The following APBA2 variants were observed in gnomAD, a reference collection of about 807,000 sequenced individuals.
The protein encoded by APBA2 is amyloid beta precursor protein binding family A member 2.
Under a neutral mutation model 75.0 loss-of-function variants are expected in APBA2, and 30 were observed. The observed-to-expected ratio is 0.40, with a 90% confidence interval of 0.30 to 0.54. The LOEUF (loss-of-function observed/expected upper bound fraction) is 0.54. Ranked by LOEUF, APBA2 falls within the 20% of genes least tolerant of loss-of-function variation. The pLI is 0.49. For synonymous variants in APBA2, 444 were observed against 409.6 expected (o/e 1.08, Z -1.01); for missense variants, 801 against 1,016.1 (o/e 0.79, Z 2.88).
Position 29,105,384 on chromosome 15 carries a change from G to C in APBA2, c.1530G>C (p.Gln510His). The C allele has an allele frequency of 6.2e-7, 1 of 1,611,058 alleles. No homozygotes were observed. Among genetic ancestry groups the C allele is most frequent in the Non-Finnish European group, 8.5e-7 (1 of 1,179,872 alleles). Residue 510 changes from glutamine (Q) to histidine (H), a missense_variant, in exon 11 of 15, where the codon CAG (glutamine) becomes CAC (histidine). Gln to His is a conservative substitution (Grantham distance 24). This residue lies in a region of APBA2 where 367 missense variants were observed against 544.5 expected (regional missense o/e 0.67). Transcript: ENST00000683413. ...ICHVFESEDA[Q>H]LIAQSIGQAF... ...CTGGCCTGCCCTCTGCACAGGCCCA[G>C]CTCATCGCCCAGTCTATCGGCCAGG... is the stretch of plus-strand genomic sequence containing the variant.
At chr15:29,052,603 G>A (rs1321117073) in intron 3 of APBA2, among the ~76,000 whole-genome samples, 2 of 151,992 alleles carry the variant, frequency 1.3e-5, no homozygotes, top group Non-Finnish European at 2.9e-5. Context: ...CTGTCCCCAC[G>A]CCAGGCCCAG....
chr15:29,105,259 G>A (rs2044335534), intron 10 of APBA2, 120 bp from the exon 11 acceptor site: 3 of 986,572 alleles, frequency 3.0e-6, no homozygotes, highest in African/African-American at 1.6e-5. Context: ...GCCCGAGCAA[G>A]GGCTCCCTTG....
Position 28,933,687 on chromosome 15 carries a change from A to G in APBA2, c.-95+11938A>G, listed in dbSNP as rs565322244. On this transcript the variant is annotated intron_variant, in intron 2 of 14. Transcript: ENST00000683413. ...CCTCGACCTGAGGTTTTATTGGTCC[A>G]AAGTCAGGGCCTGCTGGAGCCCGAC... Among the ~76,000 whole-genome samples, 99 of 152,360 alleles carry G rather than the reference A, an allele frequency of 6.5e-4. 1 individual carries two copies. Among genetic ancestry groups the G allele is most frequent in the African/African-American group, 2.3e-3 (96 of 41,594 alleles).
chr15:29,079,622 C>T (rs796161424), intron 6 of APBA2, among the ~76,000 whole-genome samples: 19 of 152,182 alleles, frequency 1.2e-4, no homozygotes, highest in South Asian at 8.3e-4. Context: ...CATCCCACTG[C>T]GGGCCCTTCC....
chr15:28,905,114 G>C (rs2033073205), intron 1 of APBA2, among the ~76,000 whole-genome samples: 1 of 152,172 alleles, frequency 6.6e-6, no homozygotes, highest in East Asian at 1.9e-4. Flanking sequence ...CTGATGGCTG[G>C]CAGGCTGCCT....
chr15:28,972,601 G>A (rs528282158), intron 2 of APBA2, among the ~76,000 whole-genome samples: 2 of 152,326 alleles, frequency 1.3e-5, no homozygotes, highest in African/African-American at 4.8e-5. Context: ...GAAAGAAAAC[G>A]TGAGTGAAGG....
chr15:29,000,697 C>A (rs1466068330), intron 3 of APBA2, among the ~76,000 whole-genome samples: 5 of 152,068 alleles, frequency 3.3e-5, no homozygotes, highest in Admixed American at 6.6e-5. Context: ...CTCAATCAAC[C>A]CTCCCTCCTT....
intron 1 of APBA2, among the ~76,000 whole-genome samples, chr15:28,916,669 G>A (rs1470617778): frequency 2.0e-5 from 3 of 152,206 alleles, no homozygotes; most frequent in South Asian, 2.1e-4. Context: ...ATCTACACAC[G>A]TGTGCTCGCT....
chr15:29,115,738 G>A (rs370623503), intron 14 of APBA2, among the ~76,000 whole-genome samples: 1 of 152,224 alleles, frequency 6.6e-6, no homozygotes, highest in Non-Finnish European at 1.5e-5. Flanking sequence ...GGGAATGGCT[G>A]ATGGAGGAAG....
intron 3 of APBA2, among the ~76,000 whole-genome samples, chr15:29,027,983 C>G (rs148193455): frequency 6.7e-6 from 1 of 148,326 alleles, no homozygotes; most frequent in Non-Finnish European, 1.5e-5. Context: ...ACACTCTTTT[C>G]GTTTTTTTTT....
chr15:29,092,933 G>T, intron 6 of APBA2, 142 bp from the exon 7 acceptor site: 1 of 1,103,170 alleles, frequency 9.1e-7, no homozygotes, highest in Non-Finnish European at 1.4e-6. Context: ...GCCCGTGGCT[G>T]GCTGCAGATG....
intron 3 of APBA2, among the ~76,000 whole-genome samples, chr15:29,045,069 T>TCTCTCTC (rs2041238928): frequency 1.2e-5 from 1 of 82,866 alleles, no homozygotes. Context: ...CCCTCCCTCC[T>TCTCTCTC]TCTCTCTCTC....
At chr15:29,089,642 A>ACTCCC (rs1290413184) in intron 6 of APBA2, among the ~76,000 whole-genome samples, 1 of 151,134 alleles carries the variant, frequency 6.6e-6, no homozygotes. Context: ...AAGCTGTGGG[A>ACTCCC]CTCCCCTCCC....
chr15:28,976,347 T>C (rs7164360), intron 2 of APBA2, among the ~76,000 whole-genome samples: 41,500 of 152,154 alleles, frequency 0.27, 10,225 homozygotes, highest in African/African-American at 0.63. Context: ...CTTACTTCTG[T>C]GGTTGGGAGT....
At chr15:29,005,409 C>T (rs1363951901) in intron 3 of APBA2, among the ~76,000 whole-genome samples, 1 of 152,100 alleles carries the variant, frequency 6.6e-6, no homozygotes, top group African/African-American at 2.4e-5. Context: ...CTCAGGCACA[C>T]ACCACCACAC....
chr15:28,951,847 C>T (rs147384195), intron 2 of APBA2, among the ~76,000 whole-genome samples: 2,140 of 137,714 alleles, frequency 0.016, 80 homozygotes, highest in African/African-American at 0.056. Flanking sequence ...TCCCAAAGTG[C>T]TGGGATTACA....
At chr15:29,039,101 GTGT>G (rs1566934679) in intron 3 of APBA2, among the ~76,000 whole-genome samples, 5 of 28,680 alleles carry the variant, frequency 1.7e-4, no homozygotes, top group South Asian at 2.0e-3. Context: ...ATGTCAGGGT[GTGT>G]GTGTGTGTGT....
chr15:28,986,505 T>TA (rs1262973590), intron 2 of APBA2, among the ~76,000 whole-genome samples: 2 of 152,180 alleles, frequency 1.3e-5, no homozygotes, highest in East Asian at 1.9e-4. Flanking sequence ...TTTTAATTAT[T>TA]AAAAAAATTT....
chr15:28,975,137 G>A (rs982270411), intron 2 of APBA2, among the ~76,000 whole-genome samples: 14 of 152,058 alleles, frequency 9.2e-5, no homozygotes, highest in African/African-American at 3.4e-4. Context: ...TGAAGACCTG[G>A]ATAGAAAGGG....
Sources: gnomAD v4.1 joint callset for allele counts (sites outside exome capture counted in the v4.1 genomes callset) on GRCh38, gnomAD v4.1.1 for gene constraint, gnomAD v4.1.1 regional missense constraint, MANE v1.5 for transcripts, NCBI Gene and HGNC (gene_info 2026-07-23, HGNC 2026-07-21) for gene names.